BBOX1: variants seen among roughly 807,000 people sequenced by gnomAD.
BBOX1 encodes the protein gamma-butyrobetaine dioxygenase.
In BBOX1, 35 loss-of-function variants were observed where a neutral mutation model predicts 41.6. The observed-to-expected ratio is 0.84, with a 90% CI of 0.64 to 1.11. The LOEUF is 1.11. BBOX1 is among the 50% of genes most tolerant of loss of function. The pLI is 0.00. For missense variants in BBOX1, 458 were observed against 460.6 expected, an observed-to-expected ratio of 0.99 and a Z score of 0.05; for synonymous variants, 163 against 154.7, an observed-to-expected ratio of 1.05 and a Z score of -0.40.
At position 27,057,303 on chromosome 11, in the gene BBOX1, T is replaced by C; in HGVS notation, c.322T>C (p.Leu108=). The C allele has an allele frequency of 1.9e-6, 3 of 1,609,826 alleles. No individual in the cohort carries two copies. Among genetic ancestry groups the C allele is most frequent in the Non-Finnish European group, 2.5e-6 (3 of 1,178,516 alleles). The change falls in exon 4 of 9, where the codon TTG becomes CTG. Residue 108 remains leucine (L), a synonymous_variant. Coordinates refer to ENST00000263182, the MANE Select transcript of BBOX1 (RefSeq NM_003986.3). ...KQARAKLQRE[L]FFPECQYWGS... ...GGCCAGAGCAAAGCTCCAAAGAGAA[T>C]TGTTTTTTCCAGGTAACTTTGCCAA... is the stretch of plus-strand genomic sequence containing the variant.
chr11:27,078,218 A>G (rs1328062326), intron 4 of BBOX1, among the ~76,000 whole-genome samples: 1 of 152,130 alleles, frequency 6.6e-6, no homozygotes, highest in Non-Finnish European at 1.5e-5. Context: ...CCAAGCCACA[A>G]ATATCAATAG....
chr11:27,063,859 C>A (rs2351069), intron 4 of BBOX1, among the ~76,000 whole-genome samples: 48,875 of 151,738 alleles, frequency 0.32, 7,995 homozygotes, highest in East Asian at 0.45. Flanking sequence ...TTGTACATGG[C>A]AAGAAAAAGT....
chr11:27,086,611 C>T (rs1272675244), intron 4 of BBOX1, among the ~76,000 whole-genome samples: 1 of 152,124 alleles, frequency 6.6e-6, no homozygotes, highest in Non-Finnish European at 1.5e-5. Flanking sequence ...GAGATTGATG[C>T]TGTTTTTATG....
chr11:27,119,087 C>T (rs1262830081), intron 6 of BBOX1, among the ~76,000 whole-genome samples: 1 of 152,042 alleles, frequency 6.6e-6, no homozygotes, highest in Non-Finnish European at 1.5e-5. Context: ...ATCATGAGGC[C>T]TCACCAATTG....
chr11:27,042,878 C>G (rs1851377973), intron 2 of BBOX1, among the ~76,000 whole-genome samples: 1 of 151,978 alleles, frequency 6.6e-6, no homozygotes, highest in Non-Finnish European at 1.5e-5. Context: ...TCCACCTTAC[C>G]AAGTAAAAAT....
At chr11:27,093,137 C>T (rs770491662) in intron 4 of BBOX1, 31 bp from the exon 5 acceptor site, 14 of 1,587,378 alleles carry the variant, frequency 8.8e-6, no homozygotes, top group Non-Finnish European at 1.2e-5. Flanking sequence ...AATGTAATCC[C>T]ATCTGATTTC....
chr11:27,048,748 T>TC (rs1260301678), intron 2 of BBOX1, among the ~76,000 whole-genome samples: 3 of 87,774 alleles, frequency 3.4e-5, no homozygotes, highest in African/African-American at 1.9e-4. Flanking sequence ...GAATGGTAGT[T>TC]CTTTTTTTTT....
chr11:27,107,609 A>G (rs562387671), intron 5 of BBOX1, among the ~76,000 whole-genome samples: 1 of 151,950 alleles, frequency 6.6e-6, no homozygotes, highest in South Asian at 2.1e-4. Context: ...CCTTACTTGG[A>G]ATAGCATTAG....
At chr11:27,074,892 G>A (rs1857584728) in intron 4 of BBOX1, among the ~76,000 whole-genome samples, 1 of 152,210 alleles carries the variant, frequency 6.6e-6, no homozygotes, top group Non-Finnish European at 1.5e-5. Context: ...CTGTGGGTCT[G>A]CAGGGTATAG....
At chr11:27,110,259 C>T (rs1213512360) in intron 5 of BBOX1, among the ~76,000 whole-genome samples, 1 of 151,968 alleles carries the variant, frequency 6.6e-6, no homozygotes, top group Non-Finnish European at 1.5e-5. Context: ...TTTCCCAGTA[C>T]CATCTACCCC....
At chr11:27,096,984 AT>A (rs560291004) in intron 5 of BBOX1, among the ~76,000 whole-genome samples, 2 of 151,972 alleles carry the variant, frequency 1.3e-5, no homozygotes, top group Non-Finnish European at 2.9e-5. Context: ...TCTAGACAAT[AT>A]TTTTTTATGC....
intron 4 of BBOX1, among the ~76,000 whole-genome samples, chr11:27,075,351 C>T (rs1410961672): frequency 1.3e-5 from 2 of 152,104 alleles, no homozygotes; most frequent in African/African-American, 2.4e-5. Flanking sequence ...GCAGAGGTCT[C>T]TTTAAGCTTA....
chr11:27,052,770 T>A (rs749424679), intron 2 of BBOX1, among the ~76,000 whole-genome samples: 8 of 152,090 alleles, frequency 5.3e-5, no homozygotes, highest in Non-Finnish European at 8.8e-5. Context: ...GACCATCTAT[T>A]GCTGGTAAAG....
In BBOX1 at chr11:27,057,185, C is replaced by T. The variant is rs764294475; in HGVS notation, c.220-16C>T. 3 of 1,517,386 alleles carry T rather than the reference C, an allele frequency of 2.0e-6. No homozygotes were observed. Among genetic ancestry groups the T allele is most frequent in the African/African-American group, 1.4e-5 (1 of 69,734 alleles). The allele number at this position is 1,517,386 out of a possible 1,614,324, so 94.0% of individuals were successfully genotyped here. On this transcript the variant is annotated splice_polypyrimidine_tract_variant and intron_variant, in intron 3 of 8. Transcript: ENST00000263182. ...ATAAAATCCACATAGGTGAAATTTG[C>T]TTTTTGTGTTATAAGGTGTACATCA...
chr11:27,096,606 T>A (rs971433816), intron 5 of BBOX1, among the ~76,000 whole-genome samples: 2 of 151,968 alleles, frequency 1.3e-5, no homozygotes, highest in African/African-American at 4.8e-5. Flanking sequence ...CAAGTAGGGT[T>A]ATTAGTTTCA....
intron 5 of BBOX1, among the ~76,000 whole-genome samples, chr11:27,110,524 G>A (rs894402491): frequency 3.3e-5 from 5 of 151,694 alleles, no homozygotes; most frequent in African/African-American, 4.8e-5. Context: ...AACATACTCC[G>A]AACTCAAAAC....
At chr11:27,097,482 C>T (rs928931217) in intron 5 of BBOX1, among the ~76,000 whole-genome samples, 3 of 152,008 alleles carry the variant, frequency 2.0e-5, no homozygotes, top group East Asian at 1.9e-4. Context: ...ACTAATAATA[C>T]GTGCATGGCA....
chr11:27,059,399 T>G (rs2133969156), intron 4 of BBOX1, among the ~76,000 whole-genome samples: 1 of 152,330 alleles, frequency 6.6e-6, no homozygotes, highest in African/African-American at 2.4e-5. Context: ...TAAGAAAGCC[T>G]GGGTGCCCAA....
At chr11:27,122,216 GAAAC>G (rs1859489308) in intron 7 of BBOX1, among the ~76,000 whole-genome samples, 1 of 151,994 alleles carries the variant, frequency 6.6e-6, no homozygotes, top group African/African-American at 2.4e-5. Context: ...AATCAATAAA[GAAAC>G]AAGCAAAATT....
Sources: allele counts gnomAD v4.1 joint callset (sites outside exome capture counted in the v4.1 genomes callset), GRCh38; gene constraint gnomAD v4.1.1; transcripts MANE v1.5; gene names NCBI Gene and HGNC (gene_info 2026-07-23, HGNC 2026-07-21).